Variants in FRMPD3 observed in about 807,000 individuals in gnomAD.
FRMPD3 encodes FERM and PDZ domain-containing protein 3.
In FRMPD3, 42 loss-of-function variants were observed where a neutral mutation model predicts 97.9. The ratio of observed to expected loss-of-function variants is 0.43; its 90% CI spans 0.34 to 0.55. FRMPD3 has a LOEUF of 0.55. Ranked by LOEUF, FRMPD3 falls within the 20% of genes least tolerant of loss-of-function variation. The pLI is 0.03. For missense variants in FRMPD3, 1,303 were observed against 1,457.7 expected (o/e 0.89, Z 1.73); for synonymous variants, 577 against 581.1 (o/e 0.99, Z 0.10).
chrX:107,496,160 G>A (rs894640919), intron 1 of FRMPD3, among the ~76,000 whole-genome samples: 3 of 112,191 alleles, frequency 2.7e-5, no homozygotes, highest in Non-Finnish European at 5.6e-5. Context: ...TCTCATCATC[G>A]TCATCATTAT....
At chrX:107,564,737 C>A in intron 11 of FRMPD3, 150 bp from the exon 12 acceptor site, 1 of 557,592 alleles carries the variant, frequency 1.8e-6, no homozygotes, top group Non-Finnish European at 3.0e-6. Flanking sequence ...TTTTCCCCTC[C>A]AGGTTGTCCT....
At chrX:107,455,052 A>G (rs1045518448) in intron 1 of FRMPD3, among the ~76,000 whole-genome samples, 1 of 111,446 alleles carries the variant, frequency 9.0e-6, no homozygotes, top group Non-Finnish European at 1.9e-5. Flanking sequence ...TCCTAAACGT[A>G]CCTTGTACAT....
intron 1 of FRMPD3, among the ~76,000 whole-genome samples, chrX:107,459,884 T>C (rs868422873): frequency 3.3e-4 from 30 of 89,845 alleles, no homozygotes; most frequent in Middle Eastern, 6.0e-3. Context: ...CAAGCATACA[T>C]ACACACACAC....
intron 1 of FRMPD3, among the ~76,000 whole-genome samples, chrX:107,465,170 G>A (rs985040792): frequency 9.0e-6 from 1 of 111,253 alleles, no homozygotes; most frequent in South Asian, 3.8e-4. Context: ...GTGTATCAAC[G>A]TGAGAAATAG....
intron 13 of FRMPD3, among the ~76,000 whole-genome samples, chrX:107,595,045 G>A (rs769819552): frequency 9.0e-6 from 1 of 110,932 alleles, no homozygotes; most frequent in Non-Finnish European, 1.9e-5. Flanking sequence ...GGCTGGGCAC[G>A]GTTGCTCATG....
chrX:107,600,685 C>A lies in FRMPD3; in HGVS notation c.2646C>A (p.Ser882=). Residue 882 remains serine, a synonymous_variant, in exon 15 of 15, where the codon TCC becomes TCA. Coordinates refer to ENST00000683843, the MANE Select transcript of FRMPD3 (RefSeq NM_001388459.1). ...CCTTGGCAGTGCACCCAGCACTGTC[C>A]CCACAGCTTAGTGAACAGAAGAATC... ...TYSLAVHPAL[S]PQLSEQKNLS... The A allele has an allele frequency of 1.7e-6, 2 of 1,204,381 alleles. No individual in the cohort carries two copies. Among genetic ancestry groups the A allele is most frequent in the East Asian group, 3.0e-5 (1 of 33,598 alleles).
At position 107,598,287 on chromosome X, in the gene FRMPD3, G is replaced by GAGCT. The variant is rs1365881279; in HGVS notation, c.2263+145_2263+146insAGCT. The GAGCT allele has an allele frequency of 8.1e-6, 4 of 491,088 alleles. No homozygotes were observed. The East Asian group carries it at 1.5e-4, about 18-fold the overall frequency. The allele number at this position is 491,088 out of a possible 1,213,427, so 40.5% of individuals were successfully genotyped here. ...ATGTACCAAAGGTTCTTTAGATAGG[G>GAGCT]TCAGAGGAGCAATGATGTTACAGCA... On this transcript the variant is annotated intron_variant, in intron 14 of 14. Transcript: ENST00000683843.
At chrX:107,485,349 G>A (rs1921478177) in intron 1 of FRMPD3, among the ~76,000 whole-genome samples, 1 of 112,459 alleles carries the variant, frequency 8.9e-6, no homozygotes, top group Non-Finnish European at 1.9e-5. Flanking sequence ...TTCGGGAGAA[G>A]GGGTGGCTCT....
intron 1 of FRMPD3, among the ~76,000 whole-genome samples, chrX:107,463,860 G>C (rs767108896): frequency 2.7e-5 from 3 of 112,373 alleles, no homozygotes; most frequent in Non-Finnish European, 5.6e-5. Flanking sequence ...AGATTAACTA[G>C]CTGTCACCAA....
chrX:107,563,400 C>G (rs1285029397), intron 11 of FRMPD3, among the ~76,000 whole-genome samples, 200 bp downstream of exon 11: 1 of 111,969 alleles, frequency 8.9e-6, no homozygotes, highest in Non-Finnish European at 1.9e-5. Context: ...CCTCCATGAC[C>G]TTTTTTTGTT....
chrX:107,536,883 T>G (rs913292846), intron 4 of FRMPD3, among the ~76,000 whole-genome samples: 1 of 111,657 alleles, frequency 9.0e-6, no homozygotes, highest in African/African-American at 3.3e-5. Context: ...CCCCAGCACC[T>G]GGCACAGAGT....
Position 107,603,337 on chromosome X carries a change from C to A in FRMPD3, c.5298C>A (p.Ser1766Arg), listed in dbSNP as rs1336513692. Residue 1766 changes from serine (S) to arginine (R), a missense_variant, in exon 15 of 15, where the codon AGC (serine) becomes AGA (arginine). Coordinates refer to ENST00000683843, the MANE Select transcript of FRMPD3 (RefSeq NM_001388459.1). ...PGSPTSATVM[S>R]TFTHSLKTLI... is the part of the protein sequence containing the mutation. ...CCCCAACTTCGGCGACTGTTATGAG[C>A]ACATTCACCCACTCCTTAAAAACCC... The A allele has an allele frequency of 7.1e-6, 8 of 1,132,494 alleles. No homozygotes were observed. Among genetic ancestry groups the A allele is most frequent in the Non-Finnish European group, 8.2e-6 (7 of 857,462 alleles). The allele number at this position is 1,132,494 out of a possible 1,213,427, so 93.3% of individuals were successfully genotyped here.
intron 13 of FRMPD3, among the ~76,000 whole-genome samples, chrX:107,580,493 G>A (rs1445184060): frequency 1.8e-5 from 2 of 111,363 alleles, no homozygotes; most frequent in African/African-American, 6.5e-5. Context: ...TTGCAGGGAG[G>A]GAAGCCACCC....
At position 107,595,948 on chromosome X, in the gene FRMPD3, AAAAAG is replaced by A. The variant is rs774500644; in HGVS notation, c.1442-1354_1442-1350del. On this transcript the variant is annotated intron_variant, in intron 13 of 14. Transcript: ENST00000683843. The stretch of plus-strand genomic sequence containing the variant: ...GTGAGACTCCGTCTCAAAAAAAAAA[AAAAAG>A]AAAAGAAAAGAAAAGAAAGAAAGTA... 6.3e-4 allele frequency among the ~76,000 whole-genome samples: 70 copies of A among 110,585 alleles called. No individual in the cohort carries two copies. In the East Asian group the frequency reaches 7.9e-3, roughly 12 times the overall value.
intron 1 of FRMPD3, among the ~76,000 whole-genome samples, chrX:107,506,295 A>G (rs1223533871): frequency 8.9e-6 from 1 of 112,427 alleles, no homozygotes; most frequent in African/African-American, 3.2e-5. Flanking sequence ...AAACTGACTT[A>G]GAGTTGCCGT....
At chrX:107,498,336 G>A (rs1259588635) in intron 1 of FRMPD3, among the ~76,000 whole-genome samples, 13 of 112,211 alleles carry the variant, frequency 1.2e-4, no homozygotes, top group Admixed American at 1.1e-3. Flanking sequence ...CTGCTAAGCA[G>A]GGCTGAGGGG....
chrX:107,455,419 G>A (rs936670395), intron 1 of FRMPD3, among the ~76,000 whole-genome samples: 1 of 110,969 alleles, frequency 9.0e-6, no homozygotes, highest in East Asian at 2.8e-4. Context: ...GCTGGGTATG[G>A]TGGTGCATAC....
At chrX:107,468,159 T>C (rs1333628532) in intron 1 of FRMPD3, among the ~76,000 whole-genome samples, 1 of 111,538 alleles carries the variant, frequency 9.0e-6, no homozygotes, top group African/African-American at 3.3e-5. Flanking sequence ...GGTGGTGTGG[T>C]TAAATGAATG....
rs973681757 is a variant in FRMPD3 at position 107,449,719 on chromosome X, C to T, written c.-294C>T. Among the ~76,000 whole-genome samples the T allele has an allele frequency of 1.8e-5, 2 of 109,743 alleles. No individual in the cohort carries two copies. Among genetic ancestry groups the T allele is most frequent in the Non-Finnish European group, 3.8e-5 (2 of 52,175 alleles). The stretch of plus-strand genomic sequence containing the variant: ...GCCGCCCGCGGCGCAGCCATGAAGC[C>T]CGCCCGAGGAGCCCGCGCGCGCTCC... On this transcript the variant is annotated 5_prime_UTR_variant, in exon 1 of 15. Coordinates refer to ENST00000683843, the MANE Select transcript of FRMPD3 (RefSeq NM_001388459.1).
Sources: allele counts gnomAD v4.1 joint callset (sites outside exome capture counted in the v4.1 genomes callset), GRCh38; gene constraint gnomAD v4.1.1; transcripts MANE v1.5; gene names NCBI Gene and HGNC (gene_info 2026-07-23, HGNC 2026-07-21).